RFTN1: variants seen among roughly 807,000 people sequenced by gnomAD.
The protein encoded by RFTN1 is raftlin.
A neutral mutation model predicts 46.5 loss-of-function variants in RFTN1; 26 were observed. The ratio of observed to expected loss-of-function variants is 0.56; its 90% CI spans 0.41 to 0.78. The LOEUF (loss-of-function observed/expected upper bound fraction) is 0.78, where lower values mean the gene tolerates loss of function less well. Ranked by LOEUF, RFTN1 falls within the 30% of genes least tolerant of loss-of-function variation. RFTN1 has a pLI of 0.00. For synonymous variants in RFTN1, 261 were observed against 284.2 expected, an observed-to-expected ratio of 0.92 and a Z score of 0.82; for missense variants, 693 against 718.7, an observed-to-expected ratio of 0.96 and a Z score of 0.41.
Position 16,391,858 on chromosome 3 carries a change from G to GTTTTTTTTTTTTTTTTT in RFTN1, c.442-13757_442-13756insAAAAAAAAAAAAAAAAA, listed in dbSNP as rs1272551461. Among the ~76,000 whole-genome samples the GTTTTTTTTTTTTTTTTT allele has an allele frequency of 8.1e-5, 4 of 49,122 alleles. 1 individual carries two copies. The highest frequency in any genetic ancestry group is 8.9e-5 in the African/African-American group (2 of 22,438). 32.2% of individuals were successfully genotyped at this position (49,122 alleles called of 152,430 possible). ...TAGAGATTATCATTCTAGTGCAAAG[G>GTTTTTTTTTTTTTTTTT]TTTTTTTTTTGTTTTTTTTTTTTGT... On this transcript the variant is annotated intron_variant, in intron 4 of 9. Coordinates refer to ENST00000334133, the MANE Select transcript of RFTN1 (RefSeq NM_015150.2).
Position 16,459,108 on chromosome 3 carries a change from T to A in RFTN1, c.146-25071A>T, listed in dbSNP as rs2075963584. The stretch of plus-strand genomic sequence containing the variant: ...CACCATGCCCAGCTAATTTTTTGTA[T>A]TTTTTGTAGAGATGAGGTTTCGCTG... On this transcript the variant is annotated intron_variant, in intron 2 of 9. Coordinates refer to ENST00000334133, the MANE Select transcript of RFTN1 (RefSeq NM_015150.2). This position sits in a 1 kb window ranked among gnomAD's most constrained non-coding sequence, Gnocchi z 4.2. Among the ~76,000 whole-genome samples, 1 of 152,088 alleles carries A rather than the reference T, an allele frequency of 6.6e-6. No individual in the cohort carries two copies. Among genetic ancestry groups the A allele is most frequent in the Admixed American group, 6.5e-5 (1 of 15,278 alleles).
At chr3:16,378,443 A>G (rs919623938) in intron 4 of RFTN1, among the ~76,000 whole-genome samples, 3 of 152,218 alleles carry the variant, frequency 2.0e-5, no homozygotes, top group Non-Finnish European at 2.9e-5. Context: ...TTGAAGGAGG[A>G]AGTTTGTTTT....
chr3:16,454,902 T>C (rs1027638762), intron 2 of RFTN1: 1 of 446,930 alleles, frequency 2.2e-6, no homozygotes, highest in African/African-American at 2.1e-5. Flanking sequence ...AGCAAATGAC[T>C]ACGTGATTGA....
intron 1 of RFTN1, among the ~76,000 whole-genome samples, chr3:16,497,337 C>T (rs78669684): frequency 0.017 from 2,625 of 152,346 alleles, 33 homozygotes; most frequent in Non-Finnish European, 0.028. Flanking sequence ...CTCAATTCTT[C>T]TGAATAAAAA....
rs1474375143 is a variant in RFTN1, at chr3:16,378,031, C to T, written c.513G>A (p.Ser171=). The T allele has an allele frequency of 2.0e-5, 32 of 1,614,138 alleles. No homozygotes were observed. The highest frequency in any genetic ancestry group is 2.3e-5 in the Non-Finnish European group (27 of 1,180,060). The change falls in exon 5 of 10, where the codon TCG becomes TCA. Residue 171 remains serine, a synonymous_variant. Coordinates refer to ENST00000334133, the MANE Select transcript of RFTN1 (RefSeq NM_015150.2). ...TAGACACCGGAGCACTGCTGCCTGC[C>T]GAGTTCACAGAGGAATGGTACTGAG... ...VIPQYHSSVN[S]AGSSAPVSTA... is the part of the protein sequence containing the mutation.
chr3:16,424,228 A>C lies in RFTN1; in HGVS notation c.332+9623T>G, dbSNP rs1210623715. On this transcript the variant is annotated intron_variant, in intron 3 of 9. Coordinates refer to ENST00000334133, the MANE Select transcript of RFTN1 (RefSeq NM_015150.2). The surrounding 1 kb of genome is among the most constrained non-coding windows in gnomAD (Gnocchi z 4.7). ...GTATTTCTGTGCCATGAGTCTCAAG[A>C]TGGAACTTGAGTTCTATATTCACCA... is the stretch of plus-strand genomic sequence containing the variant. 6.6e-6 allele frequency among the ~76,000 whole-genome samples: 1 copy of C among 152,204 alleles called. No homozygotes were observed. The highest frequency in any genetic ancestry group is 1.5e-5 in the Non-Finnish European group (1 of 68,026).
At position 16,374,282 on chromosome 3, in the gene RFTN1, G is replaced by C. The variant is rs1375169012; in HGVS notation, c.826+3436C>G. Among the ~76,000 whole-genome samples, 1 of 152,216 alleles carries C rather than the reference G, an allele frequency of 6.6e-6. No individual in the cohort carries two copies. The highest frequency in any genetic ancestry group is 1.5e-5 in the Non-Finnish European group (1 of 68,048). On this transcript the variant is annotated intron_variant, in intron 5 of 9. Coordinates refer to ENST00000334133, the MANE Select transcript of RFTN1 (RefSeq NM_015150.2). This position sits in a 1 kb window ranked among gnomAD's most constrained non-coding sequence, Gnocchi z 5.4. ...CTGGGCTCTTTCCCAAATCTAACAA[G>C]AGGCTAACTTCATCAGGACACAGAA...
At chr3:16,478,241 A>G (rs1429331673) in intron 2 of RFTN1, among the ~76,000 whole-genome samples, 1 of 152,238 alleles carries the variant, frequency 6.6e-6, no homozygotes, top group African/African-American at 2.4e-5. Context: ...TCACTGTGAC[A>G]CAGACTGTGG....
rs1442585971 is a variant in RFTN1, at chr3:16,451,406, T to C, written c.146-17369A>G. 1.3e-5 allele frequency among the ~76,000 whole-genome samples: 2 copies of C among 152,248 alleles called. No homozygotes were observed. The highest frequency in any genetic ancestry group is 1.3e-4 in the Admixed American group (2 of 15,288). Reference sequence around the variant, plus strand: ...ACTCTCCAGTACACCCATGACTTTCTGCTTCATTAGCTGGCTTGTAGGCTA... The same window carrying C: ...ACTCTCCAGTACACCCATGACTTTCCGCTTCATTAGCTGGCTTGTAGGCTA... On this transcript the variant is annotated intron_variant, in intron 2 of 9. Coordinates refer to ENST00000334133, the MANE Select transcript of RFTN1 (RefSeq NM_015150.2). This position sits in a 1 kb window ranked among gnomAD's most constrained non-coding sequence, Gnocchi z 4.2.
intron 9 of RFTN1, among the ~76,000 whole-genome samples, chr3:16,318,206 A>G (rs527323711): frequency 5.9e-5 from 9 of 151,582 alleles, no homozygotes; most frequent in Non-Finnish European, 1.2e-4. Flanking sequence ...AAGTTTCTCA[A>G]TCTGAATTTC....
chr3:16,377,298 C>G (rs539377945), intron 5 of RFTN1, among the ~76,000 whole-genome samples: 2 of 152,202 alleles, frequency 1.3e-5, no homozygotes, highest in East Asian at 3.9e-4. Flanking sequence ...CTCTCTAAAC[C>G]CCAGTTTGCT....
rs913518184 is a variant in RFTN1, at chr3:16,479,184, G to A, written c.145+14541C>T. ...ACTCTAACATTCCTTGCAGGTAGGA[G>A]AACAAAACCTTGGCTGGTTCACCCC... On this transcript the variant is annotated intron_variant, in intron 2 of 9. Coordinates refer to ENST00000334133, the MANE Select transcript of RFTN1 (RefSeq NM_015150.2). The surrounding 1 kb of genome is among the most constrained non-coding windows in gnomAD (Gnocchi z 5.1). Among the ~76,000 whole-genome samples the A allele has an allele frequency of 2.0e-5, 3 of 152,142 alleles. No individual in the cohort carries two copies. Among genetic ancestry groups the A allele is most frequent in the Non-Finnish European group, 4.4e-5 (3 of 68,018 alleles).
In RFTN1 at chr3:16,348,907, C is replaced by G. The variant is rs536159201; in HGVS notation, c.1146+9025G>C. Among the ~76,000 whole-genome samples, 14 of 152,168 alleles carry G rather than the reference C, an allele frequency of 9.2e-5. No individual in the cohort carries two copies. Among genetic ancestry groups the G allele is most frequent in the Non-Finnish European group, 1.9e-4 (13 of 68,038 alleles). On this transcript the variant is annotated intron_variant, in intron 7 of 9. Coordinates refer to ENST00000334133, the MANE Select transcript of RFTN1 (RefSeq NM_015150.2). The surrounding 1 kb of genome is among the most constrained non-coding windows in gnomAD (Gnocchi z 6.3). The stretch of plus-strand genomic sequence containing the variant: ...CAATCCACACACATTTCAGAACACC[C>G]GAGCAAGTGGCTGCTGCCAAGGAGG...
chr3:16,454,388 T>C (rs2075869947), intron 2 of RFTN1, among the ~76,000 whole-genome samples: 1 of 152,100 alleles, frequency 6.6e-6, no homozygotes, highest in African/African-American at 2.4e-5. Context: ...TGTGTTTACA[T>C]TAGGAATGCA....
intron 5 of RFTN1, among the ~76,000 whole-genome samples, chr3:16,372,986 C>T (rs2073588149): frequency 6.6e-6 from 1 of 152,244 alleles, no homozygotes. Context: ...TCTCTACCCA[C>T]ATGGAAACCA....
chr3:16,469,149 C>T (rs764505224), intron 2 of RFTN1, among the ~76,000 whole-genome samples: 10 of 152,202 alleles, frequency 6.6e-5, no homozygotes, highest in African/African-American at 9.7e-5. Context: ...GCATAGCTTC[C>T]GGAGCTAGGC....
chr3:16,378,673 G>A lies in RFTN1; in HGVS notation c.442-571C>T, dbSNP rs141934648. On this transcript the variant is annotated intron_variant, in intron 4 of 9. Coordinates refer to ENST00000334133, the MANE Select transcript of RFTN1 (RefSeq NM_015150.2). Reference sequence around the variant, plus strand: ...CCAAGGCTGTGGGCAAATCCTCCCTGAGAGGTATCATCTGATGGACACCTT... The same window carrying A: ...CCAAGGCTGTGGGCAAATCCTCCCTAAGAGGTATCATCTGATGGACACCTT... 3.6e-3 allele frequency among the ~76,000 whole-genome samples: 549 copies of A among 152,302 alleles called. 3 individuals carry two copies. Among genetic ancestry groups the A allele is most frequent in the African/African-American group, 0.012 (516 of 41,562 alleles).
At chr3:16,397,832 A>G (rs2074505343) in intron 4 of RFTN1, among the ~76,000 whole-genome samples, 1 of 151,964 alleles carries the variant, frequency 6.6e-6, no homozygotes, top group South Asian at 2.1e-4. Flanking sequence ...TGAAAAATAG[A>G]GCGGTATTTG....
chr3:16,502,653 C>T (rs763790102), intron 1 of RFTN1, among the ~76,000 whole-genome samples: 1 of 152,236 alleles, frequency 6.6e-6, no homozygotes, highest in Non-Finnish European at 1.5e-5. Flanking sequence ...TGTGAGGACA[C>T]TCTATCAGCA....
Sources: allele counts gnomAD v4.1 joint callset (sites outside exome capture counted in the v4.1 genomes callset), GRCh38; gene constraint gnomAD v4.1.1; non-coding constraint Gnocchi (gnomAD v3.1); transcripts MANE v1.5; gene names NCBI Gene and HGNC (gene_info 2026-07-23, HGNC 2026-07-21).